Variants in CCDC116 observed in about 807,000 individuals in gnomAD.
CCDC116 encodes the protein coiled-coil domain-containing protein 116.
Under a neutral mutation model 29.4 loss-of-function variants are expected in CCDC116, and 24 were observed. The ratio of observed to expected loss-of-function variants is 0.82; its 90% CI spans 0.59 to 1.15. The LOEUF (loss-of-function observed/expected upper bound fraction) is 1.15, where lower values mean the gene tolerates loss of function less well. CCDC116 is among the 50% of genes most tolerant of loss of function. CCDC116 has a pLI of 0.00. For synonymous variants in CCDC116, 298 were observed against 331.4 expected, an observed-to-expected ratio of 0.90 and a Z score of 1.10; for missense variants, 791 against 804.0, an observed-to-expected ratio of 0.98 and a Z score of 0.20.
chr22:21,632,965 A>ACTGC, intron 1 of CCDC116, 138 bp downstream of exon 1: 2 of 698,164 alleles, frequency 2.9e-6, no homozygotes, highest in South Asian at 3.0e-5. Flanking sequence ...GACTCTGGAA[A>ACTGC]CTGCCTGCCT....
Position 21,634,541 on chromosome 22 carries a change from A to T in CCDC116, c.592A>T (p.Lys198Ter). Residue 198 changes from lysine to a stop codon, truncating the protein, a stop_gained, in exon 3 of 5, where the codon AAG becomes TAG. Coordinates refer to ENST00000292779, the MANE Select transcript of CCDC116 (RefSeq NM_152612.3). LOFTEE classifies it high-confidence loss of function. ...CAAACTCCTGCTGGAGAAGAACCTC[A>T]AGCGGCTGCTACAGCTGGAGAGGGA... Reference protein sequence around the residue: ...RDKLLLEKNLKRLLQLEREGK... With the variant: ...RDKLLLEKNL 6.2e-7 allele frequency: 1 copy of T among 1,608,404 alleles called. No individual in the cohort carries two copies. Among genetic ancestry groups the T allele is most frequent in the Non-Finnish European group, 8.5e-7 (1 of 1,175,808 alleles).
In CCDC116 at chr22:21,634,513, G is replaced by A. The variant is rs1443414719; in HGVS notation, c.564G>A (p.Arg188=). Residue 188 remains arginine (R), a synonymous_variant, in exon 3 of 5, where the codon AGG becomes AGA. Transcript: ENST00000292779. Reference sequence around the variant, plus strand: ...CCCAAGGCTCATTGCCACCTGTGAGGGACAAACTCCTGCTGGAGAAGAACC... The same window carrying A: ...CCCAAGGCTCATTGCCACCTGTGAGAGACAAACTCCTGCTGGAGAAGAACC... ...LGAQGSLPPV[R]DKLLLEKNLK... is the part of the protein sequence containing the mutation. 6.2e-7 allele frequency: 1 copy of A among 1,612,632 alleles called. No homozygotes were observed. Among genetic ancestry groups the A allele is most frequent in the Admixed American group, 1.7e-5 (1 of 59,960 alleles).
chr22:21,634,466 A>G lies in CCDC116; in HGVS notation c.517A>G (p.Ser173Gly). The change falls in exon 3 of 5, where the codon AGC becomes GGC. Residue 173 changes from serine (S) to glycine (G), a missense_variant. By Grantham distance (56) the Ser-to-Gly change is moderately conservative. Coordinates refer to ENST00000292779, the MANE Select transcript of CCDC116 (RefSeq NM_152612.3). ...SLMAGCLGSH[S>G]RDSDLGAQGS... ...CATGGCCGGCTGTCTGGGCTCCCAC[A>G]GCCGGGACAGTGACCTAGGTGCCCA... The G allele has an allele frequency of 6.2e-7, 1 of 1,614,170 alleles. No individual in the cohort carries two copies. Among genetic ancestry groups the G allele is most frequent in the Non-Finnish European group, 8.5e-7 (1 of 1,180,032 alleles).
rs751931446 is a variant in CCDC116 at position 21,634,799 on chromosome 22, C to T, written c.736C>T (p.Leu246=). The T allele has an allele frequency of 6.2e-7, 1 of 1,613,898 alleles. No homozygotes were observed. Among genetic ancestry groups the T allele is most frequent in the Non-Finnish European group, 8.5e-7 (1 of 1,180,034 alleles). Residue 246 remains leucine (L), a synonymous_variant, in exon 4 of 5, where the codon CTG becomes TTG. Coordinates refer to ENST00000292779, the MANE Select transcript of CCDC116 (RefSeq NM_152612.3). The stretch of plus-strand genomic sequence containing the variant: ...GCCCTTGTCCTGGTTCTCAGGGCTG[C>T]TGGGCTCAAGCTCTGGCGTGCCTGA... ...EQPLSWFSGL[L]GSSSGVPEAS...
chr22:21,634,067 T>G lies in CCDC116; in HGVS notation c.118T>G (p.Cys40Gly). The stretch of plus-strand genomic sequence containing the variant: ...ACTGGTCCCAGAAATGCGGCCAGCC[T>G]GCAAGCCGGGCCGTGTGCCACACCC... ...KPLVPEMRPA[C>G]KPGRVPHPPS... The change falls in exon 3 of 5, where the codon TGC (cysteine) becomes GGC (glycine). Residue 40 changes from cysteine to glycine, a missense_variant. Transcript: ENST00000292779. 1 of 1,613,478 alleles carries G rather than the reference T, an allele frequency of 6.2e-7. No homozygotes were observed. Among genetic ancestry groups the G allele is most frequent in the African/African-American group, 1.3e-5 (1 of 75,048 alleles).
rs41279987 is a variant in CCDC116, at chr22:21,634,941, C to T, written c.878C>T (p.Pro293Leu). ...LESLDLPGYC[P>L]LREPHRTLNF... The stretch of plus-strand genomic sequence containing the variant: ...TCCCTCGACCTGCCTGGCTACTGTC[C>T]GCTCCGTGAGCCCCATCGCACGCTG... The change falls in exon 4 of 5, where the codon CCG becomes CTG. Residue 293 changes from proline to leucine, a missense_variant. Physicochemically the swap from Pro to Leu is moderately conservative, Grantham distance 98. Transcript: ENST00000292779. 3.8e-3 allele frequency: 6,172 copies of T among 1,613,724 alleles called. 201 individuals are homozygous for T. The African/African-American group carries it at 0.067, about 18-fold the overall frequency.
rs861852 is a variant in CCDC116 at position 21,636,783 on chromosome 22, T to C, written c.1555T>C (p.Cys519Arg). The change falls in exon 5 of 5, where the codon TGC becomes CGC. Residue 519 changes from cysteine to arginine, a missense_variant. Transcript: ENST00000292779. Reference sequence around the variant, plus strand: ...GGCCTCCCGGCTCAGCACCTCCCACTGCAGCACAGAGACACCCTCTGTGCA... The same window carrying C: ...GGCCTCCCGGCTCAGCACCTCCCACCGCAGCACAGAGACACCCTCTGTGCA... ...RQASRLSTSH[C>R]STETPSVQQE... The C allele has an allele frequency of 0.24, 388,563 of 1,612,286 alleles. 50,721 individuals are homozygous for C. Among genetic ancestry groups the C allele is most frequent in the African/African-American group, 0.52 (39,008 of 74,830 alleles).
chr22:21,634,484 G>C lies in CCDC116; in HGVS notation c.535G>C (p.Gly179Arg). 1 of 1,614,186 alleles carries C rather than the reference G, an allele frequency of 6.2e-7. No individual in the cohort carries two copies. Among genetic ancestry groups the C allele is most frequent in the Non-Finnish European group, 8.5e-7 (1 of 1,180,028 alleles). Residue 179 changes from glycine (G) to arginine (R), a missense_variant, in exon 3 of 5, where the codon GGT becomes CGT. Physicochemically the swap from Gly to Arg is moderately radical, Grantham distance 125. Coordinates refer to ENST00000292779, the MANE Select transcript of CCDC116 (RefSeq NM_152612.3). Reference protein sequence around the residue: ...LGSHSRDSDLGAQGSLPPVRD... With the variant: ...LGSHSRDSDLRAQGSLPPVRD... ...CTCCCACAGCCGGGACAGTGACCTA[G>C]GTGCCCAAGGCTCATTGCCACCTGT...
At chr22:21,633,276 C>G (rs762004761) in intron 2 of CCDC116, 23 bp downstream of exon 2, 29 of 1,529,752 alleles carry the variant, frequency 1.9e-5, no homozygotes, top group Non-Finnish European at 2.6e-5. Context: ...AGCAGGGCGC[C>G]GACCCTTGAG....
At chr22:21,635,289 A>G (rs746761963) in intron 4 of CCDC116, 23 bp downstream of exon 4, 71 of 1,573,076 alleles carry the variant, frequency 4.5e-5, no homozygotes, top group Admixed American at 3.9e-4. Flanking sequence ...GAGAAGCCCA[A>G]TGTCCCCAGC....
In CCDC116 at chr22:21,633,178, C is replaced by T; in HGVS notation, c.-4C>T. 1.9e-6 allele frequency: 3 copies of T among 1,550,516 alleles called. No homozygotes were observed. The highest frequency in any genetic ancestry group is 2.6e-6 in the Non-Finnish European group (3 of 1,146,700). On this transcript the variant is annotated 5_prime_UTR_variant, in exon 2 of 5. Coordinates refer to ENST00000292779, the MANE Select transcript of CCDC116 (RefSeq NM_152612.3). ...GCAGGCCCGGTCACCTGCCAGGTGA[C>T]CACATGGCCAGGTGCCGCCACCACT...
At chr22:21,634,637 T>C (rs1930705489) in intron 3 of CCDC116, 48 bp from the exon 4 acceptor site, 16 of 1,568,510 alleles carry the variant, frequency 1.0e-5, no homozygotes, top group Non-Finnish European at 1.4e-5. Flanking sequence ...GGGTCAGCCC[T>C]GGCTTGGCTG....
In CCDC116 at chr22:21,635,014, C is replaced by T. The variant is rs1691479846; in HGVS notation, c.951C>T (p.Val317=). Residue 317 remains valine (V), a synonymous_variant, in exon 4 of 5, where the codon GTC becomes GTT. Coordinates refer to ENST00000292779, the MANE Select transcript of CCDC116 (RefSeq NM_152612.3). The part of the protein sequence containing the change: ...HRLFPALQSV[V]SQAVDKLRGA... ...TCTTCCCTGCCCTGCAAAGCGTGGT[C>T]AGCCAGGCTGTGGATAAGCTCCGTG... The T allele has an allele frequency of 1.2e-6, 2 of 1,610,876 alleles. No homozygotes were observed. The highest frequency in any genetic ancestry group is 3.3e-5 in the Admixed American group (2 of 60,002).
At position 21,636,648 on chromosome 22, in the gene CCDC116, G is replaced by C. The variant is rs1490100359; in HGVS notation, c.1420G>C (p.Asp474His). The C allele has an allele frequency of 1.9e-6, 3 of 1,613,956 alleles. No homozygotes were observed. The highest frequency in any genetic ancestry group is 2.5e-6 in the Non-Finnish European group (3 of 1,180,032). ...FSFPITHVLR[D>H]LSLGLKKVKG... The stretch of plus-strand genomic sequence containing the variant: ...CTTCCCCATCACCCACGTGCTCAGG[G>C]ACCTTTCCCTGGGCTTAAAGAAGGT... The change falls in exon 5 of 5, where the codon GAC becomes CAC. Residue 474 changes from aspartate (D) to histidine (H), a missense_variant. Coordinates refer to ENST00000292779, the MANE Select transcript of CCDC116 (RefSeq NM_152612.3).
Position 21,636,942 on chromosome 22 carries a change from G to C in CCDC116, c.1714G>C (p.Gly572Arg). ...CTACATGTCTGCCTGCACCGGCATG[G>C]GTTCCAGTCCCCCCAAGTCCAAGGA... ...KLYMSACTGM[G>R]SSPPKSKDMD... Residue 572 changes from glycine (G) to arginine (R), a missense_variant, in exon 5 of 5, where the codon GGT (glycine) becomes CGT (arginine). By Grantham distance (125) the Gly-to-Arg change is moderately radical (BLOSUM62 -2). Coordinates refer to ENST00000292779, the MANE Select transcript of CCDC116 (RefSeq NM_152612.3). 6.2e-7 allele frequency: 1 copy of C among 1,613,852 alleles called. No individual in the cohort carries two copies. The highest frequency in any genetic ancestry group is 8.5e-7 in the Non-Finnish European group (1 of 1,180,046).
At chr22:21,633,334 C>T (rs1268440049) in intron 2 of CCDC116, 81 bp downstream of exon 2, 2 of 1,129,916 alleles carry the variant, frequency 1.8e-6, no homozygotes, top group South Asian at 1.5e-5. Flanking sequence ...CCACAACCCC[C>T]ATTTCTCATT....
At chr22:21,635,668 T>A (rs751561520) in intron 4 of CCDC116, 1 of 685,172 alleles carries the variant, frequency 1.5e-6, no homozygotes. Flanking sequence ...TAACAGGTGC[T>A]CAAGGTCAAG....
At position 21,634,006 on chromosome 22, in the gene CCDC116, A is replaced by G. The variant is rs141364849; in HGVS notation, c.73-16A>G. On this transcript the variant is annotated splice_polypyrimidine_tract_variant and intron_variant, in intron 2 of 4. Transcript: ENST00000292779. ...GTAGGGCACCCCTGCCCCCTGTGAC[A>G]TACCTGTCTGCTCAGGTGCAGCTGC... 216 of 1,588,058 alleles carry G rather than the reference A, an allele frequency of 1.4e-4. No homozygotes were observed. The Middle Eastern group carries it at 2.4e-3, about 17-fold the overall frequency.
At chr22:21,632,950 C>G (rs1030526437) in intron 1 of CCDC116, 123 bp downstream of exon 1, 1 of 689,026 alleles carries the variant, frequency 1.5e-6, no homozygotes, top group Non-Finnish European at 2.7e-6. Context: ...CGATTCCACC[C>G]CGATGACTCT....
Sources: allele counts gnomAD v4.1 joint callset, GRCh38; gene constraint gnomAD v4.1.1; transcripts MANE v1.5; gene names NCBI Gene and HGNC (gene_info 2026-07-23, HGNC 2026-07-21).